Variants in ATP8B1 observed in about 807,000 individuals in gnomAD.
ATP8B1 encodes the protein ATPase phospholipid transporting 8B1, also known as phospholipid-transporting ATPase IC.
In ATP8B1, 80 loss-of-function variants were observed where a neutral mutation model predicts 149.9. The observed-to-expected ratio is 0.53, with a 90% CI of 0.45 to 0.64. The LOEUF (loss-of-function observed/expected upper bound fraction) is 0.64. Among genes scored for constraint, ATP8B1 ranks in the 30% least tolerant of loss-of-function variants. ATP8B1 has a pLI of 0.00. For missense variants in ATP8B1, 1,247 were observed against 1,552.6 expected (o/e 0.80, Z 3.31); for synonymous variants, 536 against 562.8 (o/e 0.95, Z 0.67).
Position 57,732,480 on chromosome 18 carries a change from C to T in ATP8B1, c.-25-648G>A, listed in dbSNP as rs1226787697. Among the ~76,000 whole-genome samples the T allele has an allele frequency of 4.6e-5, 7 of 151,472 alleles. No homozygotes were observed. In the Admixed American group the frequency reaches 4.6e-4, roughly 10 times the overall value. On this transcript the variant is annotated intron_variant, in intron 1 of 27. Coordinates refer to ENST00000648908, the MANE Select transcript of ATP8B1 (RefSeq NM_001374385.1). Reference sequence around the variant, plus strand: ...CAGGCTATAAAATATCAGATTACAGCACATATAATAAGTACTGCTTGATAA... The same window carrying T: ...CAGGCTATAAAATATCAGATTACAGTACATATAATAAGTACTGCTTGATAA...
At chr18:57,666,913 G>C (rs1258612829) in intron 20 of ATP8B1, among the ~76,000 whole-genome samples, 179 bp downstream of exon 20, 2 of 152,154 alleles carry the variant, frequency 1.3e-5, no homozygotes, top group East Asian at 3.9e-4. Flanking sequence ...CTCAAATTTA[G>C]GCTGCACCTT....
chr18:57,661,248 T>TCCA lies in ATP8B1; in HGVS notation c.2630_2632dup (p.Val877dup). ...GGCTTTCTTGTACCTCTTCACCAGG[T>TCCA]CCACCACCATGGCCTTCTGCTTGGG... On this transcript the variant is annotated inframe_insertion, in exon 22 of 28. Coordinates refer to ENST00000648908, the MANE Select transcript of ATP8B1 (RefSeq NM_001374385.1). The TCCA allele has an allele frequency of 6.2e-7, 1 of 1,614,002 alleles. No individual in the cohort carries two copies. Among genetic ancestry groups the TCCA allele is most frequent in the Non-Finnish European group, 8.5e-7 (1 of 1,179,994 alleles).
rs1599204103 is a variant in ATP8B1 at position 57,759,687 on chromosome 18, G to T, written c.-25-27855C>A. On this transcript the variant is annotated intron_variant, in intron 1 of 27. Transcript: ENST00000648908. ...GAATTAGCCGGGCTTGGTGGCGGGCGCCTGTAGTCCCAGCTACTCTACTCG... is the reference window on the plus strand; with the variant it reads ...GAATTAGCCGGGCTTGGTGGCGGGCTCCTGTAGTCCCAGCTACTCTACTCG... Among the ~76,000 whole-genome samples the T allele has an allele frequency of 2.0e-5, 3 of 151,856 alleles. No homozygotes were observed. The South Asian group carries it at 6.3e-4, about 32-fold the overall frequency.
rs757244537 is a variant in ATP8B1, at chr18:57,685,217, C to T, written c.1430-102G>A. On this transcript the variant is annotated intron_variant, in intron 13 of 27. Transcript: ENST00000648908. ...ATAGTGATGGTGGTAAGACCATATA[C>T]GGCCTGGACAGGCTAAAATATTTAT... The T allele has an allele frequency of 2.7e-4, 343 of 1,274,122 alleles. 1 individual carries two copies. Among genetic ancestry groups the T allele is most frequent in the Non-Finnish European group, 3.0e-4 (265 of 882,798 alleles). 78.9% of individuals were successfully genotyped at this position (1,274,122 alleles called of 1,614,324 possible).
Position 57,688,330 on chromosome 18 carries a change from A to G in ATP8B1, c.1398T>C (p.Phe466=). The change falls in exon 13 of 28, where the codon TTT becomes TTC. Residue 466 remains phenylalanine, a synonymous_variant. Transcript: ENST00000648908. The stretch of plus-strand genomic sequence containing the variant: ...TCTGCCCGTTGATACAGCACTTTTT[A>G]AAGGTCATGATATTTTGTGTGAGTG... The part of the protein sequence containing the change: ...TGTLTQNIMT[F]KKCCINGQIY... 1 of 1,614,142 alleles carries G rather than the reference A, an allele frequency of 6.2e-7. No homozygotes were observed. The highest frequency in any genetic ancestry group is 8.5e-7 in the Non-Finnish European group (1 of 1,180,020).
chr18:57,730,690 C>A (rs566053453), intron 2 of ATP8B1, among the ~76,000 whole-genome samples: 1 of 152,188 alleles, frequency 6.6e-6, no homozygotes, highest in Admixed American at 6.6e-5. Flanking sequence ...GCAGAGACCA[C>A]GTGGTCCACA....
chr18:57,728,154 A>G (rs1368659509), intron 2 of ATP8B1, among the ~76,000 whole-genome samples: 1 of 152,188 alleles, frequency 6.6e-6, no homozygotes, highest in African/African-American at 2.4e-5. Context: ...CTTTAAAAAA[A>G]AAAGAAAGCA....
At chr18:57,681,856 T>C (rs1911993825) in intron 15 of ATP8B1, among the ~76,000 whole-genome samples, 1 of 144,774 alleles carries the variant, frequency 6.9e-6, no homozygotes, top group African/African-American at 2.5e-5. Context: ...CAAGGGATCC[T>C]TTCCTGGTAC....
chr18:57,710,972 T>A (rs992211911), intron 2 of ATP8B1, among the ~76,000 whole-genome samples: 2 of 152,182 alleles, frequency 1.3e-5, no homozygotes, highest in African/African-American at 2.4e-5. Flanking sequence ...ATATTTGGGT[T>A]CCTAAAAGAG....
chr18:57,770,335 A>G (rs1467966499), intron 1 of ATP8B1, among the ~76,000 whole-genome samples: 1 of 152,188 alleles, frequency 6.6e-6, no homozygotes, highest in African/African-American at 2.4e-5. Context: ...CCGCAGTCCA[A>G]TATTTCACAT....
At chr18:57,727,440 T>G (rs2079719728) in intron 2 of ATP8B1, among the ~76,000 whole-genome samples, 1 of 152,210 alleles carries the variant, frequency 6.6e-6, no homozygotes, top group South Asian at 2.1e-4. Flanking sequence ...CAACTAAATA[T>G]TAATTCATAG....
chr18:57,758,452 C>T (rs2080107368), intron 1 of ATP8B1, among the ~76,000 whole-genome samples: 1 of 150,378 alleles, frequency 6.6e-6, no homozygotes, highest in South Asian at 2.1e-4. Flanking sequence ...ACCAGCCTGA[C>T]CAACATGGAG....
intron 17 of ATP8B1, among the ~76,000 whole-genome samples, chr18:57,671,054 A>G (rs1197824572): frequency 6.6e-6 from 1 of 152,212 alleles, no homozygotes; most frequent in Non-Finnish European, 1.5e-5. Context: ...GATGTGACCT[A>G]TAGTCAGCTC....
intron 10 of ATP8B1, 120 bp downstream of exon 10, chr18:57,695,051 A>AGC: frequency 1.1e-6 from 1 of 906,268 alleles, no homozygotes; most frequent in Non-Finnish European, 1.6e-6. Context: ...AAAAAAAAAA[A>AGC]AAAAGCTCAT....
chr18:57,652,863 C>T (rs1333668915), intron 24 of ATP8B1, 134 bp from the exon 25 acceptor site: 16 of 1,071,758 alleles, frequency 1.5e-5, no homozygotes, highest in South Asian at 2.7e-5. Context: ...ACAAGATAAT[C>T]GATCAATCCT....
chr18:57,701,369 G>A (rs1913113745), intron 4 of ATP8B1, 56 bp from the exon 5 acceptor site: 2 of 1,456,064 alleles, frequency 1.4e-6, no homozygotes, highest in African/African-American at 2.8e-5. Flanking sequence ...AAGCTTACAG[G>A]TAACTTATTG....
At chr18:57,671,632 A>T in intron 16 of ATP8B1, 52 bp from the exon 17 acceptor site, 1 of 1,303,948 alleles carries the variant, frequency 7.7e-7, no homozygotes, top group Non-Finnish European at 1.1e-6. Context: ...TTTTATATAT[A>T]TATTTTTTGA....
intron 22 of ATP8B1, among the ~76,000 whole-genome samples, chr18:57,659,538 G>A (rs17832346): frequency 0.099 from 15,029 of 151,910 alleles, 1,020 homozygotes; most frequent in East Asian, 0.33. Flanking sequence ...CTTTTGGCAC[G>A]GCTAGTTACG....
chr18:57,723,996 G>A (rs1275393226), intron 2 of ATP8B1, among the ~76,000 whole-genome samples: 8 of 150,278 alleles, frequency 5.3e-5, no homozygotes, highest in Admixed American at 1.3e-4. Context: ...ACAAGCAATG[G>A]GGAAAGGATT....
Sources: allele counts gnomAD v4.1 joint callset (sites outside exome capture counted in the v4.1 genomes callset), GRCh38; gene constraint gnomAD v4.1.1; transcripts MANE v1.5; gene names NCBI Gene and HGNC (gene_info 2026-07-23, HGNC 2026-07-21).